Variants in BIRC2 observed in about 807,000 individuals in gnomAD.
BIRC2 encodes the protein baculoviral IAP repeat containing 2.
In BIRC2, 18 loss-of-function variants were observed where a neutral mutation model predicts 60.9. The ratio of observed to expected loss-of-function variants is 0.30; its 90% confidence interval spans 0.20 to 0.44. The LOEUF is 0.44. Ranked by LOEUF, BIRC2 falls within the 20% of genes least tolerant of loss-of-function variation. The pLI is 1.00. For missense variants in BIRC2, 701 were observed against 728.5 expected, an observed-to-expected ratio of 0.96 and a Z score of 0.43; for synonymous variants, 282 against 247.7, an observed-to-expected ratio of 1.14 and a Z score of -1.30.
chr11:102,355,637 C>T (rs891699267), intron 3 of BIRC2, among the ~76,000 whole-genome samples: 3 of 151,564 alleles, frequency 2.0e-5, no homozygotes, highest in African/African-American at 7.3e-5. Context: ...ATTGGTTTTT[C>T]TATTTCTGTG....
chr11:102,372,461 C>A (rs1269813069), intron 6 of BIRC2, among the ~76,000 whole-genome samples: 3 of 152,290 alleles, frequency 2.0e-5, no homozygotes, highest in East Asian at 3.9e-4. Context: ...TGTTCAGTGT[C>A]CATGTAGTTG....
intron 3 of BIRC2, among the ~76,000 whole-genome samples, chr11:102,358,961 A>C (rs1951454389): frequency 6.6e-6 from 1 of 152,302 alleles, no homozygotes; most frequent in Admixed American, 6.5e-5. Flanking sequence ...TTTACATTCA[A>C]GGTAACTATT....
intron 6 of BIRC2, among the ~76,000 whole-genome samples, chr11:102,375,648 C>T (rs1003841889): frequency 6.6e-6 from 1 of 151,966 alleles, no homozygotes; most frequent in African/African-American, 2.4e-5. Flanking sequence ...GGCATGGTGG[C>T]GGATGCCTGT....
chr11:102,375,321 A>G (rs1169270116), intron 6 of BIRC2, among the ~76,000 whole-genome samples: 3 of 152,230 alleles, frequency 2.0e-5, no homozygotes, highest in Non-Finnish European at 4.4e-5. Context: ...TTAAAGGGCC[A>G]GCAGAGAGGC....
chr11:102,377,351 C>T, intron 6 of BIRC2, 145 bp from the exon 7 acceptor site: 1 of 703,720 alleles, frequency 1.4e-6, no homozygotes, highest in East Asian at 3.2e-5. Context: ...AAACAACAAA[C>T]TTACAAATGC....
chr11:102,362,388 T>A (rs1951494976), intron 3 of BIRC2, among the ~76,000 whole-genome samples: 1 of 152,198 alleles, frequency 6.6e-6, no homozygotes, highest in African/African-American at 2.4e-5. Flanking sequence ...AACAAATATT[T>A]GAGAAACACT....
chr11:102,376,258 C>T (rs955335192), intron 6 of BIRC2, among the ~76,000 whole-genome samples: 1 of 152,112 alleles, frequency 6.6e-6, no homozygotes, highest in South Asian at 2.1e-4. Context: ...TGACTGCTAC[C>T]TAGATTAGAA....
At chr11:102,348,416 C>T (rs1951316214) in intron 1 of BIRC2, 182 bp from the exon 2 acceptor site, 1 of 159,764 alleles carries the variant, frequency 6.3e-6, no homozygotes, top group Non-Finnish European at 1.4e-5. Context: ...GAGTATGTTG[C>T]ATTTACTTAT....
Position 102,350,442 on chromosome 11 carries a change from A to G in BIRC2, c.588A>G (p.Leu196=). The G allele has an allele frequency of 1.9e-6, 3 of 1,614,188 alleles. No homozygotes were observed. The South Asian group carries it at 3.3e-5, about 18-fold the overall frequency. The change falls in exon 2 of 9, where the codon TTA becomes TTG. Residue 196 remains leucine (L), a synonymous_variant. Transcript: ENST00000227758. ...ARFLTYHMWP[L]TFLSPSELAR... ...TTCTTACCTACCATATGTGGCCATT[A>G]ACTTTTTTGTCACCATCAGAATTGG...
At chr11:102,358,531 T>C (rs1029471934) in intron 3 of BIRC2, among the ~76,000 whole-genome samples, 1 of 152,210 alleles carries the variant, frequency 6.6e-6, no homozygotes, top group African/African-American at 2.4e-5. Context: ...TGATTTTCTG[T>C]CTGGATGACC....
In BIRC2 at chr11:102,349,303, T is replaced by C. The variant is rs1951325778; in HGVS notation, c.-552T>C. The C allele has an allele frequency of 6.6e-6, 1 of 152,472 alleles. No homozygotes were observed. The highest frequency in any genetic ancestry group is 1.5e-5 in the Non-Finnish European group (1 of 68,258). 9.4% of individuals were successfully genotyped at this position (152,472 alleles called of 1,614,324 possible). On this transcript the variant is annotated 5_prime_UTR_variant, in exon 2 of 9. Transcript: ENST00000227758. The stretch of plus-strand genomic sequence containing the variant: ...ACTTAGCTTTTAAATAGTGTGACCA[T>C]ATGAAGGTTTTAATTACTTTTGTTT...
chr11:102,348,144 C>T (rs1951313164), intron 1 of BIRC2: 1 of 152,194 alleles, frequency 6.6e-6, no homozygotes, highest in South Asian at 2.1e-4. Context: ...GTGCATTTTA[C>T]TGCAGTTTTC....
Position 102,363,719 on chromosome 11 carries a change from A to G in BIRC2, c.1123+3A>G, listed in dbSNP as rs575018018. On this transcript the variant is annotated splice_donor_region_variant and intron_variant, in intron 5 of 8. Transcript: ENST00000227758. ...AGAAGAAAATGCTGACCCACCAAGT[A>G]TGTATGAGATAATTTTAAGTATAGA... 6.2e-7 allele frequency: 1 copy of G among 1,607,014 alleles called. No individual in the cohort carries two copies.
rs1388209218 is a variant in BIRC2 at position 102,368,491 on chromosome 11, G to A, written c.1309G>A (p.Ala437Thr). 6.2e-7 allele frequency: 1 copy of A among 1,613,800 alleles called. No individual in the cohort carries two copies. Among genetic ancestry groups the A allele is most frequent in the Non-Finnish European group, 8.5e-7 (1 of 1,179,902 alleles). ...TGATATTGTGTCAGCACTTCTTAAT[G>A]CTGAAGATGAAAAAAGAGAAGAGGA... ...VNDIVSALLN[A>T]EDEKREEEKE... Residue 437 changes from alanine (A) to threonine (T), a missense_variant, in exon 6 of 9, where the codon GCT (alanine) becomes ACT (threonine). By Grantham distance (58) the Ala-to-Thr change is moderately conservative. Coordinates refer to ENST00000227758, the MANE Select transcript of BIRC2 (RefSeq NM_001166.5).
chr11:102,373,680 C>T (rs1240778735), intron 6 of BIRC2, among the ~76,000 whole-genome samples: 32 of 150,582 alleles, frequency 2.1e-4, no homozygotes, highest in East Asian at 7.8e-4. Context: ...ATCTTTGTGG[C>T]GTTCTCTATA....
At chr11:102,360,526 T>A (rs1468546115) in intron 3 of BIRC2, among the ~76,000 whole-genome samples, 1 of 151,438 alleles carries the variant, frequency 6.6e-6, no homozygotes, top group African/African-American at 2.4e-5. Flanking sequence ...TCTCATTTGT[T>A]TGTATATATT....
chr11:102,349,911 G>A lies in BIRC2; in HGVS notation c.57G>A (p.Lys19=), dbSNP rs775190108. ...LFPGPSYQNI[K]SIMEDSTILS... ...CAGGTCCCTCGTATCAAAACATTAA[G>A]AGTATAATGGAAGATAGCACGATCT... The change falls in exon 2 of 9, where the codon AAG becomes AAA. Residue 19 remains lysine, a synonymous_variant. Transcript: ENST00000227758. 4 of 1,613,968 alleles carry A rather than the reference G, an allele frequency of 2.5e-6. No individual in the cohort carries two copies. The South Asian group carries it at 4.4e-5, about 18-fold the overall frequency.
At chr11:102,363,885 C>T (rs980516221) in intron 5 of BIRC2, among the ~76,000 whole-genome samples, 169 bp downstream of exon 5, 5 of 151,540 alleles carry the variant, frequency 3.3e-5, no homozygotes, top group Non-Finnish European at 7.4e-5. Context: ...AGTAAAACTC[C>T]ATCTACTAAA....
chr11:102,377,297 T>C (rs1399603422), intron 6 of BIRC2, among the ~76,000 whole-genome samples, 199 bp from the exon 7 acceptor site: 1 of 152,190 alleles, frequency 6.6e-6, no homozygotes, highest in Non-Finnish European at 1.5e-5. Context: ...CATGTAAATA[T>C]ATAGACTTAA....
Sources: gnomAD v4.1 joint callset for allele counts (sites outside exome capture counted in the v4.1 genomes callset) on GRCh38, gnomAD v4.1.1 for gene constraint, MANE v1.5 for transcripts, NCBI Gene and HGNC (gene_info 2026-07-23, HGNC 2026-07-21) for gene names.